Variants in CCDC7 observed in about 807,000 individuals in gnomAD.
CCDC7 encodes the protein coiled-coil domain containing 7.
CCDC7 carries 183 observed loss-of-function variants against 196.9 expected under a neutral mutation model. That is an observed-to-expected ratio of 0.93 (90% CI 0.82 to 1.05). The LOEUF is 1.05. Ranked by LOEUF, CCDC7 falls within the 50% of genes least tolerant of loss-of-function variation. The pLI is 0.00. For missense variants in CCDC7, 1,540 were observed against 1,482.2 expected, an observed-to-expected ratio of 1.04 and a Z score of -0.64; for synonymous variants, 525 against 484.6, an observed-to-expected ratio of 1.08 and a Z score of -1.10.
At chr10:32,829,873 T>C (rs776473388) in intron 32 of CCDC7, among the ~76,000 whole-genome samples, 10 of 151,698 alleles carry the variant, frequency 6.6e-5, no homozygotes, top group Non-Finnish European at 1.2e-4. Flanking sequence ...GCTGCCAGTG[T>C]GGCTAGAATA....
intron 3 of CCDC7, among the ~76,000 whole-genome samples, chr10:32,458,908 C>G (rs1369932645): frequency 1.3e-5 from 2 of 152,052 alleles, no homozygotes; most frequent in African/African-American, 4.8e-5. Flanking sequence ...ATTAATTCTT[C>G]TAATCCACAA....
chr10:32,853,611 A>G (rs990571964), intron 40 of CCDC7, among the ~76,000 whole-genome samples: 8 of 152,186 alleles, frequency 5.3e-5, no homozygotes, highest in African/African-American at 1.4e-4. Context: ...TGTTGAAACT[A>G]GTTTTAATTA....
chr10:32,845,114 TA>T, intron 33 of CCDC7, 128 bp from the exon 35 acceptor site: 1 of 514,624 alleles, frequency 1.9e-6, no homozygotes, highest in Non-Finnish European at 3.4e-6. Flanking sequence ...ATGACAATAG[TA>T]CCAATATGTT....
At chr10:32,800,796 G>A (rs1362348735) in intron 29 of CCDC7, among the ~76,000 whole-genome samples, 1 of 152,206 alleles carries the variant, frequency 6.6e-6, no homozygotes, top group African/African-American at 2.4e-5. Flanking sequence ...GAAATTGGTT[G>A]AGGGTCCATG....
chr10:32,446,035 A>G (rs2030833126), upstream of CCDC7: 1 of 152,150 alleles, frequency 6.6e-6, no homozygotes, highest in Admixed American at 6.5e-5. Context: ...ACAGCCGCCA[A>G]ACTGCGTCTC....
At chr10:32,830,335 G>A (rs547723231) in intron 32 of CCDC7, among the ~76,000 whole-genome samples, 65 of 150,110 alleles carry the variant, frequency 4.3e-4, no homozygotes, top group Middle Eastern at 3.4e-3. Context: ...CCATATGGAG[G>A]TTTGCTATCT....
At chr10:32,596,795 G>T (rs1454242910) in intron 18 of CCDC7, among the ~76,000 whole-genome samples, 2 of 152,102 alleles carry the variant, frequency 1.3e-5, no homozygotes, top group African/African-American at 4.8e-5. Context: ...AGCTTAGTTT[G>T]GCTGGATATG....
intron 24 of CCDC7, among the ~76,000 whole-genome samples, chr10:32,707,051 C>T (rs1339656618): frequency 6.6e-6 from 1 of 152,208 alleles, no homozygotes; most frequent in Non-Finnish European, 1.5e-5. Flanking sequence ...CCCTGATGAA[C>T]ATCGATGCAA....
At chr10:32,703,781 A>T (rs189996232) in intron 24 of CCDC7, among the ~76,000 whole-genome samples, 1 of 152,130 alleles carries the variant, frequency 6.6e-6, no homozygotes, top group East Asian at 1.9e-4. Context: ...TCCATCACTG[A>T]TACCCTTTCT....
intron 25 of CCDC7, among the ~76,000 whole-genome samples, chr10:32,714,588 A>G (rs2081308823): frequency 6.6e-6 from 1 of 152,140 alleles, no homozygotes; most frequent in Admixed American, 6.5e-5. Context: ...GAAGCCAGGG[A>G]GCTGAGTGGT....
chr10:32,555,085 C>T (rs1376461621), intron 13 of CCDC7, among the ~76,000 whole-genome samples: 3 of 152,050 alleles, frequency 2.0e-5, no homozygotes, highest in Non-Finnish European at 4.4e-5. Flanking sequence ...TTTCTTTATT[C>T]ATTTGTCTGT....
At chr10:32,668,612 G>T (rs958486200) in intron 21 of CCDC7, among the ~76,000 whole-genome samples, 4 of 152,106 alleles carry the variant, frequency 2.6e-5, no homozygotes, top group Admixed American at 2.0e-4. Flanking sequence ...GGCCTTTTCT[G>T]CATCTATTGA....
intron 11 of CCDC7, among the ~76,000 whole-genome samples, chr10:32,541,653 T>C (rs562973424): frequency 6.6e-6 from 1 of 152,346 alleles, no homozygotes; most frequent in East Asian, 1.9e-4. Flanking sequence ...CTGTGGTCTT[T>C]ACTGAGGCAG....
intron 33 of CCDC7, among the ~76,000 whole-genome samples, chr10:32,841,065 A>T (rs1327479838): frequency 1.3e-5 from 2 of 151,826 alleles, no homozygotes; most frequent in Admixed American, 1.3e-4. Flanking sequence ...GGGTTTTGAA[A>T]GCATTCCCCC....
chr10:32,666,855 T>C (rs1301887019), intron 21 of CCDC7, among the ~76,000 whole-genome samples: 1 of 152,164 alleles, frequency 6.6e-6, no homozygotes, highest in Non-Finnish European at 1.5e-5. Context: ...TGTGTCTTTA[T>C]AGCAGCATGA....
intron 8 of CCDC7, among the ~76,000 whole-genome samples, chr10:32,476,250 A>T (rs2038950000): frequency 6.6e-6 from 1 of 152,078 alleles, no homozygotes; most frequent in South Asian, 2.1e-4. Flanking sequence ...GGAAACCACT[A>T]ATCTGTTTAT....
intron 24 of CCDC7, among the ~76,000 whole-genome samples, chr10:32,699,416 G>A (rs2078268640): frequency 6.6e-6 from 1 of 151,720 alleles, no homozygotes; most frequent in Non-Finnish European, 1.5e-5. Flanking sequence ...GTATTCCATG[G>A]TGTATATGTG....
At position 32,829,457 on chromosome 10, in the gene CCDC7, G is replaced by A. The variant is rs549828043; in HGVS notation, c.3268+4853G>A. On this transcript the variant is annotated intron_variant, in intron 32 of 41. Coordinates refer to ENST00000639629, the Ensembl canonical transcript of CCDC7. ...TTGTGCATGTATACACTTGTACTAA[G>A]AACATATCTTCATTTTATTTCCTTT... Among the ~76,000 whole-genome samples the A allele has an allele frequency of 7.0e-4, 106 of 152,306 alleles. 1 individual carries two copies. In the Middle Eastern group the frequency reaches 0.014, roughly 20 times the overall value.
intron 33 of CCDC7, 66 bp downstream of exon 34, chr10:32,834,964 C>A (rs1210694879): frequency 3.2e-6 from 2 of 633,718 alleles, no homozygotes; most frequent in Non-Finnish European, 5.6e-6. Context: ...AAATATGGAT[C>A]TTTGATGACA....
Sources: allele counts gnomAD v4.1 joint callset (sites outside exome capture counted in the v4.1 genomes callset), GRCh38; gene constraint gnomAD v4.1.1; transcripts MANE v1.5; gene names NCBI Gene and HGNC (gene_info 2026-07-23, HGNC 2026-07-21).